The following RB1CC1 variants were observed in gnomAD, a reference collection of about 807,000 sequenced individuals.
The protein encoded by RB1CC1 is RB1-inducible coiled-coil protein 1.
Under a neutral mutation model 177.5 loss-of-function variants are expected in RB1CC1, and 46 were observed. The ratio of observed to expected loss-of-function variants is 0.26; its 90% CI spans 0.20 to 0.33. The LOEUF is 0.33. RB1CC1 is among the 10% of genes least tolerant of loss of function. The pLI, the probability that RB1CC1 is intolerant of heterozygous loss-of-function variation, is 1.00. For synonymous variants in RB1CC1, 666 were observed against 613.6 expected (o/e 1.09, Z -1.26); for missense variants, 1,703 against 1,816.3 (o/e 0.94, Z 1.13).
chr8:52,702,640 C>T (rs1166398665), intron 1 of RB1CC1, among the ~76,000 whole-genome samples: 3 of 151,932 alleles, frequency 2.0e-5, no homozygotes, highest in South Asian at 2.1e-4. Context: ...CACTCGCACC[C>T]GGCAGGTGGA....
At chr8:52,695,682 T>A (rs1166898959) in intron 1 of RB1CC1, among the ~76,000 whole-genome samples, 1 of 152,084 alleles carries the variant, frequency 6.6e-6, no homozygotes, top group Non-Finnish European at 1.5e-5. Flanking sequence ...CTGTCACGCG[T>A]TGTGGCCAAG....
chr8:52,667,872 T>C, intron 8 of RB1CC1, 149 bp downstream of exon 8: 1 of 752,368 alleles, frequency 1.3e-6, no homozygotes, highest in South Asian at 3.0e-5. Flanking sequence ...CATGCTTTTC[T>C]GTTTTATTAC....
chr8:52,654,306 A>T (rs1850886417), intron 15 of RB1CC1, among the ~76,000 whole-genome samples: 1 of 152,216 alleles, frequency 6.6e-6, no homozygotes, highest in South Asian at 2.1e-4. Flanking sequence ...ACTGCAATAC[A>T]GAGATCCAAC....
At chr8:52,649,570 A>G (rs1590965773) in intron 15 of RB1CC1, among the ~76,000 whole-genome samples, 1 of 152,230 alleles carries the variant, frequency 6.6e-6, no homozygotes, top group African/African-American at 2.4e-5. Context: ...CTGGAGGCAG[A>G]GGTGGCAGTA....
chr8:52,713,282 C>CT (rs1021477958), intron 1 of RB1CC1, among the ~76,000 whole-genome samples: 3 of 152,182 alleles, frequency 2.0e-5, no homozygotes, highest in African/African-American at 7.2e-5. Flanking sequence ...TATGACCACA[C>CT]TTTAAAGAGT....
Position 52,657,020 on chromosome 8 carries a change from T to C in RB1CC1, c.2809A>G (p.Met937Val). ...TTTTGAGAGTGCATTATATTTTCCA[T>C]CTCTAACAACTTCTGATCCTTTTCA... ...QNEKDQKLLE[M>V]ENIMHSQNCE... The change falls in exon 15 of 24, where the codon ATG becomes GTG. Residue 937 changes from methionine (M) to valine (V), a missense_variant. Transcript: ENST00000025008. 2 of 1,613,760 alleles carry C rather than the reference T, an allele frequency of 1.2e-6. No individual in the cohort carries two copies. The highest frequency in any genetic ancestry group is 1.7e-6 in the Non-Finnish European group (2 of 1,179,940).
At chr8:52,673,746 C>G (rs1852813010) in intron 7 of RB1CC1, 99 bp downstream of exon 7, 1 of 1,139,416 alleles carries the variant, frequency 8.8e-7, no homozygotes, top group African/African-American at 1.6e-5. Flanking sequence ...TTTATTTCTA[C>G]TAAAAGGTAA....
chr8:52,693,341 C>T lies in RB1CC1; in HGVS notation c.-166-6374G>A, dbSNP rs558764848. ...ATCATCAGAGTGAACAGACAACCTA[C>T]GGGATGGAAGAAAATTTTTGCAATC... On this transcript the variant is annotated intron_variant, in intron 1 of 23. Transcript: ENST00000025008. 3.3e-5 allele frequency among the ~76,000 whole-genome samples: 5 copies of T among 152,212 alleles called. No individual in the cohort carries two copies. The South Asian group carries it at 1.0e-3, about 32-fold the overall frequency.
chr8:52,683,832 C>T (rs2150595256), intron 4 of RB1CC1, 55 bp downstream of exon 4: 1 of 1,596,472 alleles, frequency 6.3e-7, no homozygotes, highest in Non-Finnish European at 8.5e-7. Flanking sequence ...CACTGAGTTC[C>T]CAATGTGATG....
intron 7 of RB1CC1, among the ~76,000 whole-genome samples, chr8:52,670,895 G>T (rs1852510818): frequency 6.6e-6 from 1 of 151,800 alleles, no homozygotes; most frequent in African/African-American, 2.4e-5. Flanking sequence ...GGTGAAGGCT[G>T]CAGTGAGCCG....
At chr8:52,714,049 G>A (rs762001385) in intron 1 of RB1CC1, 26 bp downstream of exon 1, 1 of 345,532 alleles carries the variant, frequency 2.9e-6, no homozygotes. Context: ...ATGGGGGAAG[G>A]GGACGCGGGC....
intron 1 of RB1CC1, among the ~76,000 whole-genome samples, chr8:52,696,335 C>G (rs1411870514): frequency 6.6e-6 from 1 of 152,190 alleles, no homozygotes; most frequent in Non-Finnish European, 1.5e-5. Flanking sequence ...AGCCACCACG[C>G]CCGGCCTACT....
chr8:52,656,683 T>C lies in RB1CC1; in HGVS notation c.3146A>G (p.Lys1049Arg). The change falls in exon 15 of 24, where the codon AAG (lysine) becomes AGG (arginine). Residue 1049 changes from lysine (K) to arginine (R), a missense_variant. This residue lies in a region of RB1CC1 where 1,169 missense variants were observed against 1,184.7 expected (regional missense o/e 0.99). Coordinates refer to ENST00000025008, the MANE Select transcript of RB1CC1 (RefSeq NM_014781.5). ...TCTCGTGTCTGACAAATCAGAAACC[T>C]TGAGTTTTAATTCCTGTAACTGTTT... Reference protein sequence around the residue: ...KEKQLQELKLKVSDLSDTRCK... With the variant: ...KEKQLQELKLRVSDLSDTRCK... 1 of 1,613,900 alleles carries C rather than the reference T, an allele frequency of 6.2e-7. No individual in the cohort carries two copies. Among genetic ancestry groups the C allele is most frequent in the Non-Finnish European group, 8.5e-7 (1 of 1,179,894 alleles).
intron 1 of RB1CC1, among the ~76,000 whole-genome samples, chr8:52,687,921 G>A (rs946840830): frequency 1.3e-5 from 2 of 152,204 alleles, no homozygotes; most frequent in African/African-American, 4.8e-5. Context: ...GTTGTTGTGG[G>A]AAGTCAGGGA....
chr8:52,629,083 G>A (rs1206786042), intron 21 of RB1CC1, among the ~76,000 whole-genome samples: 2 of 152,044 alleles, frequency 1.3e-5, no homozygotes, highest in Non-Finnish European at 2.9e-5. Context: ...TTAATGAACG[G>A]CCCATTGACA....
chr8:52,630,548 T>G lies in RB1CC1; in HGVS notation c.4441-20A>C. 6.5e-7 allele frequency: 1 copy of G among 1,539,308 alleles called. No homozygotes were observed. On this transcript the variant is annotated intron_variant, in intron 20 of 23. Transcript: ENST00000025008. The stretch of plus-strand genomic sequence containing the variant: ...AGACATCTAAAAAAAAAAAAAAAGT[T>G]TATGAACTTACACAATTTGAGTACC...
chr8:52,704,453 AT>A (rs1216597760), intron 1 of RB1CC1, among the ~76,000 whole-genome samples: 1 of 93,412 alleles, frequency 1.1e-5, no homozygotes, highest in African/African-American at 3.6e-5. Flanking sequence ...CAAAGGTGAC[AT>A]TAAAAAAAAA....
intron 1 of RB1CC1, among the ~76,000 whole-genome samples, chr8:52,698,267 C>T (rs1273052043): frequency 1.3e-5 from 2 of 151,716 alleles, no homozygotes; most frequent in Non-Finnish European, 2.9e-5. Context: ...TTTGTAGAGA[C>T]GGCGTTTCTC....
chr8:52,688,927 C>T (rs1282270996), intron 1 of RB1CC1, among the ~76,000 whole-genome samples: 2 of 152,080 alleles, frequency 1.3e-5, no homozygotes, highest in Admixed American at 1.3e-4. Flanking sequence ...GGGGTGGGTT[C>T]CCCCAATAGG....
Sources: allele counts gnomAD v4.1 joint callset (sites outside exome capture counted in the v4.1 genomes callset), GRCh38; gene constraint gnomAD v4.1.1; regional missense constraint gnomAD v4.1.1; transcripts MANE v1.5; gene names NCBI Gene and HGNC (gene_info 2026-07-23, HGNC 2026-07-21).